Variants in CUX1 observed in about 807,000 individuals in gnomAD.
CUX1 encodes the protein protein CASP.
In CUX1, 31 loss-of-function variants were observed where a neutral mutation model predicts 158.8. The ratio of observed to expected loss-of-function variants is 0.20; its 90% CI spans 0.15 to 0.26. The LOEUF is 0.26. CUX1 is among the 10% of genes least tolerant of loss of function. The pLI is 1.00. For synonymous variants in CUX1, 879 were observed against 862.1 expected (o/e 1.02, Z -0.34); for missense variants, 1,589 against 2,014.6 (o/e 0.79, Z 4.04).
Position 102,249,640 on chromosome 7 carries a change from A to G in CUX1, c.*598A>G, listed in dbSNP as rs1200733385. 1.0e-6 allele frequency: 1 copy of G among 985,702 alleles called. No homozygotes were observed. Among genetic ancestry groups the G allele is most frequent in the Non-Finnish European group, 1.2e-6 (1 of 829,930 alleles). The allele number at this position is 985,702 out of a possible 1,614,324, so 61.1% of individuals were successfully genotyped here. A position where few individuals can be genotyped will look rare whatever the true frequency, so the allele number is the denominator to read the frequency against. ...TCTGCCATCTAATGGCTTCAGAGCG[A>G]TAATACACTATTATCTTCTTAAACC... On this transcript the variant is annotated 3_prime_UTR_variant, in exon 24 of 24. Transcript: ENST00000292535.
At chr7:101,945,491 C>G (rs1248876460) in intron 2 of CUX1, among the ~76,000 whole-genome samples, 1 of 152,152 alleles carries the variant, frequency 6.6e-6, no homozygotes, top group Non-Finnish European at 1.5e-5. Flanking sequence ...ATGGAAATGC[C>G]TTGTGTATCG....
chr7:101,851,116 A>G (rs750370677), intron 1 of CUX1, among the ~76,000 whole-genome samples: 12 of 152,160 alleles, frequency 7.9e-5, no homozygotes, highest in Non-Finnish European at 1.2e-4. Context: ...CTCTTAGAAA[A>G]TAACAAATAA....
chr7:102,059,995 G>C (rs1479069980), intron 3 of CUX1, among the ~76,000 whole-genome samples: 2 of 151,998 alleles, frequency 1.3e-5, no homozygotes, highest in African/African-American at 4.8e-5. Context: ...TTGCTTAGGG[G>C]CCAGGCGCAG....
At chr7:102,049,233 G>A (rs1030559509) in intron 3 of CUX1, among the ~76,000 whole-genome samples, 7 of 152,234 alleles carry the variant, frequency 4.6e-5, no homozygotes, top group South Asian at 4.1e-4. Context: ...CAGACTCAGC[G>A]CAGCCCTTTG....
intron 21 of CUX1, among the ~76,000 whole-genome samples, chr7:102,230,650 C>T: frequency 6.6e-6 from 1 of 152,080 alleles, no homozygotes; most frequent in East Asian, 1.9e-4. Context: ...AAAGTCATAT[C>T]AATGAGACCT....
chr7:102,168,116 A>G (rs1293198250), intron 9 of CUX1, among the ~76,000 whole-genome samples: 1 of 151,666 alleles, frequency 6.6e-6, no homozygotes, highest in Non-Finnish European at 1.5e-5. Flanking sequence ...TTGATTAATT[A>G]GCATGAACCA....
At chr7:102,076,400 A>T (rs965623281) in intron 4 of CUX1, among the ~76,000 whole-genome samples, 6 of 115,798 alleles carry the variant, frequency 5.2e-5, no homozygotes, top group Non-Finnish European at 8.8e-5. Flanking sequence ...AATAAAATTA[A>T]AAAAAAAAGA....
intron 3 of CUX1, among the ~76,000 whole-genome samples, chr7:102,047,273 G>A (rs1229173394): frequency 6.6e-6 from 1 of 152,058 alleles, no homozygotes; most frequent in Non-Finnish European, 1.5e-5. Context: ...TGAATGGGTG[G>A]ATGGTGGGTG....
chr7:102,276,404 C>G (rs1419544136), intron 17 of CUX1, among the ~76,000 whole-genome samples: 1 of 152,214 alleles, frequency 6.6e-6, no homozygotes, highest in Non-Finnish European at 1.5e-5. Context: ...TGGGTTCAAG[C>G]GATTCTTCTG....
rs1463323024 is a variant in CUX1, at chr7:102,256,817, A to G, written c.*7775A>G. The stretch of plus-strand genomic sequence containing the variant: ...GGCCAAGACTTTACCTCCAAGCGAG[A>G]GAGTGATTTCTTGCAAGGCCCGCAT... On this transcript the variant is annotated 3_prime_UTR_variant, in exon 24 of 24. Coordinates refer to ENST00000292535, the MANE Select transcript of CUX1 (RefSeq NM_181552.4). 1.0e-6 allele frequency: 1 copy of G among 985,278 alleles called. No homozygotes were observed. Among genetic ancestry groups the G allele is most frequent in the African/African-American group, 1.7e-5 (1 of 57,210 alleles). 61.0% of individuals were successfully genotyped at this position (985,278 alleles called of 1,614,324 possible). A position where few individuals can be genotyped will look rare whatever the true frequency, so the allele number is the denominator to read the frequency against.
At chr7:102,023,703 G>A (rs534721299) in intron 2 of CUX1, among the ~76,000 whole-genome samples, 29 of 152,272 alleles carry the variant, frequency 1.9e-4, no homozygotes, top group Non-Finnish European at 2.6e-4. Context: ...GAATTGGATC[G>A]GGAATTTCTC....
At chr7:101,879,080 C>T (rs1270211825) in intron 1 of CUX1, among the ~76,000 whole-genome samples, 1 of 152,212 alleles carries the variant, frequency 6.6e-6, no homozygotes, top group Non-Finnish European at 1.5e-5. Context: ...CTGTTCTTTG[C>T]AGGAACTCAA....
chr7:101,836,684 C>CAAA (rs71755816), intron 1 of CUX1, among the ~76,000 whole-genome samples: 8,925 of 77,440 alleles, frequency 0.12, 564 homozygotes, highest in Non-Finnish European at 0.13. Flanking sequence ...GACTCCTTCT[C>CAAA]AAAAAAAAAA....
intron 2 of CUX1, among the ~76,000 whole-genome samples, chr7:101,927,990 G>A (rs952628213): frequency 1.3e-5 from 2 of 152,124 alleles, no homozygotes; most frequent in Non-Finnish European, 2.9e-5. Context: ...CAACAAGGCC[G>A]GCATCCCCTT....
At chr7:102,025,942 C>A (rs778674723) in intron 2 of CUX1, among the ~76,000 whole-genome samples, 1 of 151,980 alleles carries the variant, frequency 6.6e-6, no homozygotes. Flanking sequence ...TGTGGGAGAT[C>A]AAGACAGGCA....
At chr7:101,850,124 A>G (rs1796118224) in intron 1 of CUX1, among the ~76,000 whole-genome samples, 1 of 151,946 alleles carries the variant, frequency 6.6e-6, no homozygotes, top group Non-Finnish European at 1.5e-5. Flanking sequence ...GGGTTTCACC[A>G]TCTTGGCCAG....
In CUX1 at chr7:102,201,631, G is replaced by T. The variant is rs376823731; in HGVS notation, c.2334G>T (p.Leu778=). 25 of 1,613,722 alleles carry T rather than the reference G, an allele frequency of 1.5e-5. No individual in the cohort carries two copies. In the African/African-American group the frequency reaches 3.3e-4, roughly 22 times the overall value. ...SAAPEAGASA[L]PNPPALKKEA... ...CTCCTGAGGCCGGTGCCTCTGCTCT[G>T]CCGAACCCCCCGGCCCTCAAAAAGG... is the stretch of plus-strand genomic sequence containing the variant. The change falls in exon 18 of 24, where the codon CTG becomes CTT. Residue 778 remains leucine, a synonymous_variant. Transcript: ENST00000292535. This position sits in a 1 kb window ranked among gnomAD's most constrained non-coding sequence, Gnocchi z 5.0.
At chr7:102,114,493 T>C (rs1554491218) in intron 7 of CUX1, among the ~76,000 whole-genome samples, 1 of 152,174 alleles carries the variant, frequency 6.6e-6, no homozygotes, top group Non-Finnish European at 1.5e-5. Flanking sequence ...GCCAGGCTGG[T>C]CTCAAACTCC....
intron 10 of CUX1, among the ~76,000 whole-genome samples, chr7:102,176,819 C>T (rs1483446556): frequency 1.3e-5 from 2 of 151,922 alleles, no homozygotes; most frequent in South Asian, 4.2e-4. Context: ...GTGATCCACC[C>T]ACCTCTGCCT....
Sources: gnomAD v4.1 joint callset for allele counts (sites outside exome capture counted in the v4.1 genomes callset) on GRCh38, gnomAD v4.1.1 for gene constraint, Gnocchi (gnomAD v3.1) non-coding constraint, MANE v1.5 for transcripts, NCBI Gene and HGNC (gene_info 2026-07-23, HGNC 2026-07-21) for gene names.